DDAH1: variants seen among roughly 807,000 people sequenced by gnomAD.
The protein encoded by DDAH1 is N(G),N(G)-dimethylarginine dimethylaminohydrolase 1.
DDAH1 carries 19 observed loss-of-function variants against 28.8 expected under a neutral mutation model. The observed-to-expected ratio is 0.66, with a 90% CI of 0.46 to 0.97. The LOEUF (loss-of-function observed/expected upper bound fraction) is 0.97, where lower values mean the gene tolerates loss of function less well. DDAH1 is among the 50% of genes least tolerant of loss of function. DDAH1 has a pLI of 0.00. For missense variants in DDAH1, 326 were observed against 375.9 expected (o/e 0.87, Z 1.10); for synonymous variants, 153 against 154.4 (o/e 0.99, Z 0.07).
chr1:85,574,891 C>CTA (rs66578208), intron 1 of DDAH1, among the ~76,000 whole-genome samples: 79 of 149,602 alleles, frequency 5.3e-4, no homozygotes, highest in East Asian at 2.2e-3. Context: ...CTCTCTCTCT[C>CTA]TATATATATA....
rs944174329 is a variant in DDAH1, at chr1:85,464,684, C to T, written c.303+59G>A. On this transcript the variant is annotated intron_variant, in intron 1 of 5. Coordinates refer to ENST00000284031, the MANE Select transcript of DDAH1 (RefSeq NM_012137.4). The surrounding 1 kb of genome is among the most constrained non-coding windows in gnomAD (Gnocchi z 4.4). Reference sequence around the variant, plus strand: ...CGCGACTCCCCAGGCAACACGGCGGCCGGCGGCGGGGGAGGGCCTGGCGCG... The same window carrying T: ...CGCGACTCCCCAGGCAACACGGCGGTCGGCGGCGGGGGAGGGCCTGGCGCG... 2.1e-6 allele frequency: 3 copies of T among 1,427,646 alleles called. No individual in the cohort carries two copies. Among genetic ancestry groups the T allele is most frequent in the East Asian group, 2.7e-5 (1 of 37,178 alleles). The allele number at this position is 1,427,646 out of a possible 1,614,324, so 88.4% of individuals were successfully genotyped here.
chr1:85,477,914 C>A (rs1005895524), intron 2 of DDAH1, among the ~76,000 whole-genome samples: 1 of 151,968 alleles, frequency 6.6e-6, no homozygotes, highest in Non-Finnish European at 1.5e-5. Flanking sequence ...GGCTTCTATT[C>A]TCTATTCAGT....
chr1:85,372,270 A>C (rs960042093), intron 1 of DDAH1, among the ~76,000 whole-genome samples: 9 of 152,144 alleles, frequency 5.9e-5, no homozygotes, highest in African/African-American at 2.2e-4. Flanking sequence ...GATGCTTATA[A>C]ATATTAAGTA....
chr1:85,523,655 AAGTG>A (rs1266757559), intron 1 of DDAH1, among the ~76,000 whole-genome samples: 213 of 152,206 alleles, frequency 1.4e-3, no homozygotes, highest in African/African-American at 5.0e-3. Context: ...AGCAAGAATT[AAGTG>A]AGTGAGTGTG....
At position 85,477,826 on chromosome 1, in the gene DDAH1, C is replaced by T. The variant is rs578148038; in HGVS notation, c.-7+18340G>A. Among the ~76,000 whole-genome samples the T allele has an allele frequency of 7.8e-4, 119 of 152,040 alleles. 4 individuals are homozygous for T. The South Asian group carries it at 0.022, about 28-fold the overall frequency. ...ATCTCAACCATCAAATTAGCATATG[C>T]ATCAATAAAAAAATGCTGTACAAAT... On this transcript the variant is annotated intron_variant, in intron 2 of 6. Coordinates refer to the DDAH1 transcript ENST00000426972.
At chr1:85,414,495 A>G (rs1652794945) in intron 1 of DDAH1, among the ~76,000 whole-genome samples, 1 of 152,234 alleles carries the variant, frequency 6.6e-6, no homozygotes, top group African/African-American at 2.4e-5. Flanking sequence ...GCAAGCCACA[A>G]ACTTGGAGAC....
intron 2 of DDAH1, among the ~76,000 whole-genome samples, chr1:85,473,253 G>A (rs1232033730): frequency 1.3e-5 from 2 of 151,958 alleles, no homozygotes; most frequent in African/African-American, 4.8e-5. Context: ...GGGATTGCTG[G>A]GTCAAATGGT....
chr1:85,493,536 C>T (rs1350914387), intron 2 of DDAH1: 1 of 152,130 alleles, frequency 6.6e-6, no homozygotes, highest in Admixed American at 6.6e-5. Flanking sequence ...AAAATAATAT[C>T]AGAGGTTGCT....
intron 1 of DDAH1, among the ~76,000 whole-genome samples, chr1:85,395,982 T>C (rs1456666620): frequency 7.2e-5 from 11 of 152,230 alleles, no homozygotes; most frequent in Non-Finnish European, 5.9e-5. Flanking sequence ...CTGTGCTTCA[T>C]GTTTTCTTTC....
intron 1 of DDAH1, among the ~76,000 whole-genome samples, chr1:85,416,893 C>A (rs1376649842): frequency 2.0e-5 from 3 of 151,958 alleles, no homozygotes; most frequent in Non-Finnish European, 4.4e-5. Flanking sequence ...GTCTCGAACT[C>A]CCAGGCTCAA....
In DDAH1 at chr1:85,554,276, GT is replaced by G. The variant is rs368410411; in HGVS notation, c.-123+23707del. 2.9e-3 allele frequency among the ~76,000 whole-genome samples: 318 copies of G among 110,714 alleles called. 1 individual carries two copies. Among genetic ancestry groups the G allele is most frequent in the South Asian group, 7.2e-3 (20 of 2,796 alleles). 72.6% of individuals were successfully genotyped at this position (110,714 alleles called of 152,430 possible). On this transcript the variant is annotated intron_variant, in intron 1 of 6. Coordinates refer to the DDAH1 transcript ENST00000426972. ...TTTTCCTAAAAAGGAAATTGTAAGA[GT>G]TTTTTTTTTTTTTTTTTTTTTAATC... is the stretch of plus-strand genomic sequence containing the variant.
chr1:85,481,175 G>A (rs773744849), intron 2 of DDAH1, among the ~76,000 whole-genome samples: 2 of 135,808 alleles, frequency 1.5e-5, no homozygotes, highest in Non-Finnish European at 3.0e-5. Context: ...TCAGCTCACT[G>A]CAGCCTCTGC....
rs1191283179 is a variant in DDAH1, at chr1:85,576,020, C to A, written c.-123+1964G>T. 2.0e-5 allele frequency: 3 copies of A among 151,388 alleles called. No homozygotes were observed. In the South Asian group the frequency reaches 6.3e-4, roughly 32 times the overall value. 9.4% of individuals were successfully genotyped at this position (151,388 alleles called of 1,614,324 possible). Reference sequence around the variant, plus strand: ...GGCACATGTATACATATGTAACAAACCTGCACGTTGTGCACATGTACCCTA... The same window carrying A: ...GGCACATGTATACATATGTAACAAAACTGCACGTTGTGCACATGTACCCTA... On this transcript the variant is annotated intron_variant, in intron 1 of 6. Coordinates refer to the DDAH1 transcript ENST00000426972.
At chr1:85,547,294 T>A (rs995949545) in intron 1 of DDAH1, among the ~76,000 whole-genome samples, 1 of 152,032 alleles carries the variant, frequency 6.6e-6, no homozygotes, top group Non-Finnish European at 1.5e-5. Context: ...TAGATAAAGG[T>A]TTTCTACCAG....
intron 1 of DDAH1, among the ~76,000 whole-genome samples, chr1:85,546,247 C>T (rs9803649): frequency 0.017 from 2,526 of 152,054 alleles, 70 homozygotes; most frequent in African/African-American, 0.058. Flanking sequence ...GGATTAATGC[C>T]GTTTTCTCAG....
Position 85,324,750 on chromosome 1 carries a change from T to C in DDAH1, c.731A>G (p.Glu244Gly). The C allele has an allele frequency of 6.2e-7, 1 of 1,614,160 alleles. No individual in the cohort carries two copies. The highest frequency in any genetic ancestry group is 8.5e-7 in the Non-Finnish European group (1 of 1,180,010). ...LLHRTPEEYP[E>G]SAKVYEKLKD... ...GGGATATTTTTTTACCTTTGCACTT[T>C]CTGGATACTCTTCCGGGGTTCGGTG... Residue 244 changes from glutamate to glycine, a missense_variant, in exon 5 of 6, where the codon GAA becomes GGA. Glu to Gly is a moderately conservative substitution (Grantham distance 98). Coordinates refer to ENST00000284031, the MANE Select transcript of DDAH1 (RefSeq NM_012137.4).
intron 4 of DDAH1, among the ~76,000 whole-genome samples, chr1:85,325,365 G>A (rs1353344658): frequency 3.3e-5 from 5 of 151,838 alleles, no homozygotes; most frequent in African/African-American, 9.7e-5. Flanking sequence ...GCGCGCGCGC[G>A]CGCACACACA....
chr1:85,386,542 C>T (rs912693670), intron 1 of DDAH1, among the ~76,000 whole-genome samples: 3 of 152,226 alleles, frequency 2.0e-5, no homozygotes, highest in Admixed American at 2.0e-4. Context: ...GTCCCCACAG[C>T]TTTGCTGGGC....
chr1:85,446,409 C>G (rs1334887131), intron 1 of DDAH1, among the ~76,000 whole-genome samples: 4 of 152,154 alleles, frequency 2.6e-5, no homozygotes, highest in African/African-American at 4.8e-5. Context: ...TTACCTCTAC[C>G]TGGTCTCTCC....
Sources: gnomAD v4.1 joint callset for allele counts (sites outside exome capture counted in the v4.1 genomes callset) on GRCh38, gnomAD v4.1.1 for gene constraint, Gnocchi (gnomAD v3.1) non-coding constraint, MANE v1.5 for transcripts, NCBI Gene and HGNC (gene_info 2026-07-23, HGNC 2026-07-21) for gene names.